COA8: variants seen among roughly 807,000 people sequenced by gnomAD.
The protein encoded by COA8 is UPF0671 protein C14orf153.
COA8 carries 20 observed loss-of-function variants against 22.0 expected under a neutral mutation model. The observed-to-expected ratio is 0.91, with a 90% CI of 0.64 to 1.32. The LOEUF is 1.32. Among genes scored for constraint, COA8 ranks in the 40% most tolerant of loss-of-function variants. The pLI, the probability that COA8 is intolerant of heterozygous loss-of-function variation, is 0.00. For missense variants in COA8, 266 were observed against 230.0 expected (o/e 1.16, Z -1.01); for synonymous variants, 105 against 79.9 (o/e 1.31, Z -1.68).
intron 1 of COA8, 182 bp downstream of exon 1, chr14:103,563,306 G>C: frequency 8.3e-6 from 7 of 838,576 alleles, no homozygotes; most frequent in African/African-American, 1.7e-5. Flanking sequence ...CAGTCGGATG[G>C]GACTGAGGGT....
intron 3 of COA8, among the ~76,000 whole-genome samples, chr14:103,576,152 A>G (rs984974676): frequency 6.6e-6 from 1 of 152,180 alleles, no homozygotes; most frequent in African/African-American, 2.4e-5. Flanking sequence ...CTAAAAATAC[A>G]AAAATTAGCT....
Position 103,571,897 on chromosome 14 carries a change from G to A in COA8, c.321+77G>A. On this transcript the variant is annotated intron_variant, in intron 2 of 4. Transcript: ENST00000409074. ...AATCCCAGCACTTCGGGATGCCGAGGTGGGCAGATCACGAGGTCAGGAGAT... is the reference window on the plus strand; with the variant it reads ...AATCCCAGCACTTCGGGATGCCGAGATGGGCAGATCACGAGGTCAGGAGAT... 6.2e-6 allele frequency: 8 copies of A among 1,281,126 alleles called. No homozygotes were observed. The South Asian group carries it at 1.0e-4, about 16-fold the overall frequency. The allele number at this position is 1,281,126 out of a possible 1,614,324, so 79.4% of individuals were successfully genotyped here. A position where few individuals can be genotyped will look rare whatever the true frequency, so the allele number is the denominator to read the frequency against.
intron 3 of COA8, among the ~76,000 whole-genome samples, chr14:103,580,494 G>T (rs2076259692): frequency 1.3e-5 from 2 of 150,128 alleles, no homozygotes; most frequent in Admixed American, 1.3e-4. Context: ...TTTGTTTTTT[G>T]TGGTTTTTTT....
rs147564236 is a variant in COA8, at chr14:103,587,320, G to A, written c.432G>A (p.Lys144=). The stretch of plus-strand genomic sequence containing the variant: ...CAGAAGAAATGGCGGACTTCTACAA[G>A]GAATTTTTAAGTAAAAATTTTCAGA... ...LNAEEMADFY[K]EFLSKNFQKH... The change falls in exon 4 of 5, where the codon AAG becomes AAA. Residue 144 remains lysine (K), a synonymous_variant. Coordinates refer to ENST00000409074, the MANE Select transcript of COA8 (RefSeq NM_001370595.2). 6.2e-7 allele frequency: 1 copy of A among 1,613,182 alleles called. No individual in the cohort carries two copies. The highest frequency in any genetic ancestry group is 8.5e-7 in the Non-Finnish European group (1 of 1,179,560).
chr14:103,583,843 T>C (rs904437336), intron 3 of COA8, among the ~76,000 whole-genome samples: 8 of 152,248 alleles, frequency 5.3e-5, no homozygotes, highest in Non-Finnish European at 1.5e-5. Context: ...AATCAGACTA[T>C]GACCCCCTCC....
At chr14:103,575,133 T>C (rs7142016) in intron 3 of COA8, among the ~76,000 whole-genome samples, 87,060 of 152,202 alleles carry the variant, frequency 0.57, 25,344 homozygotes, top group Non-Finnish European at 0.64. Flanking sequence ...CGTGCGTGTG[T>C]ACGCATGTGT....
intron 3 of COA8, among the ~76,000 whole-genome samples, chr14:103,585,485 A>C (rs1238266370): frequency 6.6e-6 from 1 of 151,874 alleles, no homozygotes; most frequent in Non-Finnish European, 1.5e-5. Context: ...GTCTCAAAAA[A>C]AAAAAAAAAG....
intron 1 of COA8, 74 bp from the exon 2 acceptor site, chr14:103,571,549 T>TA (rs1281519886): frequency 7.1e-7 from 1 of 1,412,346 alleles, no homozygotes; most frequent in East Asian, 2.3e-5. Context: ...AGTAAATAAA[T>TA]AAATCCAGAT....
chr14:103,588,358 C>T (rs1283855907), intron 4 of COA8: 4 of 392,600 alleles, frequency 1.0e-5, no homozygotes, highest in Non-Finnish European at 1.8e-5. Flanking sequence ...CTAGGAGGAC[C>T]ACTTGAGCCT....
intron 1 of COA8, among the ~76,000 whole-genome samples, chr14:103,567,139 G>A (rs554600074): frequency 1.9e-4 from 29 of 152,264 alleles, no homozygotes; most frequent in African/African-American, 6.3e-4. Context: ...TTGGAAGGCC[G>A]AGGCAGGTGG....
chr14:103,575,116 G>A (rs569467278), intron 3 of COA8, among the ~76,000 whole-genome samples: 6 of 152,388 alleles, frequency 3.9e-5, no homozygotes, highest in South Asian at 2.1e-4. Flanking sequence ...TGACCTGGCC[G>A]TGTATGCGTG....
At chr14:103,575,549 G>A (rs1483039710) in intron 3 of COA8, among the ~76,000 whole-genome samples, 1 of 152,152 alleles carries the variant, frequency 6.6e-6, no homozygotes, top group African/African-American at 2.4e-5. Context: ...GCACCAATGC[G>A]TGAGGATGTA....
chr14:103,582,945 T>A (rs2151185249), intron 3 of COA8, among the ~76,000 whole-genome samples: 1 of 152,274 alleles, frequency 6.6e-6, no homozygotes, highest in South Asian at 2.1e-4. Context: ...GCCCACTTTA[T>A]ATCTCTGGAT....
intron 3 of COA8, among the ~76,000 whole-genome samples, chr14:103,586,178 G>T (rs933057882): frequency 2.8e-4 from 41 of 148,768 alleles, no homozygotes; most frequent in African/African-American, 7.7e-4. Flanking sequence ...TGAGATTATA[G>T]GCGTGAGCCA....
At chr14:103,585,265 G>A (rs1205716714) in intron 3 of COA8, among the ~76,000 whole-genome samples, 1 of 151,986 alleles carries the variant, frequency 6.6e-6, no homozygotes, top group East Asian at 1.9e-4. Flanking sequence ...GATCACCTGA[G>A]GTTGGGAGTT....
At chr14:103,582,828 C>T (rs1459409756) in intron 3 of COA8, among the ~76,000 whole-genome samples, 2 of 137,328 alleles carry the variant, frequency 1.5e-5, no homozygotes, top group Admixed American at 7.9e-5. Context: ...TTTTAGTAGT[C>T]ACAAGATTGT....
intron 4 of COA8, chr14:103,588,314 A>G: frequency 2.5e-6 from 1 of 396,766 alleles, no homozygotes; most frequent in Non-Finnish European, 4.4e-6. Context: ...CAGGAGTTCA[A>G]GACCAGTCTG....
At chr14:103,575,407 T>G (rs2076223532) in intron 3 of COA8, among the ~76,000 whole-genome samples, 4 of 152,196 alleles carry the variant, frequency 2.6e-5, no homozygotes, top group Admixed American at 2.0e-4. Flanking sequence ...ACAGGATGTG[T>G]TAAGGAAGGG....
At chr14:103,585,479 CAA>C (rs60226654) in intron 3 of COA8, among the ~76,000 whole-genome samples, 35,386 of 131,158 alleles carry the variant, frequency 0.27, 4,695 homozygotes, top group East Asian at 0.4. Flanking sequence ...AACTCCGTCT[CAA>C]AAAAAAAAAA....
Sources: allele counts gnomAD v4.1 joint callset (sites outside exome capture counted in the v4.1 genomes callset), GRCh38; gene constraint gnomAD v4.1.1; transcripts MANE v1.5; gene names NCBI Gene and HGNC (gene_info 2026-07-23, HGNC 2026-07-21).